Variants in IL1RAP observed in about 807,000 individuals in gnomAD.
The protein encoded by IL1RAP is interleukin 1 receptor accessory protein.
IL1RAP carries 35 observed loss-of-function variants against 60.7 expected under a neutral mutation model. That is an observed-to-expected ratio of 0.58 (90% CI 0.44 to 0.76). The LOEUF is 0.76. Among genes scored for constraint, IL1RAP ranks in the 30% least tolerant of loss-of-function variants. The pLI is 0.00. For missense variants in IL1RAP, 572 were observed against 693.9 expected (o/e 0.82, Z 1.97); for synonymous variants, 268 against 250.9 (o/e 1.07, Z -0.64).
At chr3:190,612,773 A>T (rs1355364771) in intron 5 of IL1RAP, among the ~76,000 whole-genome samples, 1 of 152,178 alleles carries the variant, frequency 6.6e-6, no homozygotes, top group East Asian at 1.9e-4. Context: ...CATAAAGTGG[A>T]AAAATCATAA....
chr3:190,609,622 T>C (rs1258539626), intron 5 of IL1RAP, among the ~76,000 whole-genome samples: 1 of 152,188 alleles, frequency 6.6e-6, no homozygotes, highest in African/African-American at 2.4e-5. Context: ...CTTTTCCACA[T>C]CCAAGGGATT....
At chr3:190,591,999 A>C (rs1728982732) in intron 3 of IL1RAP, among the ~76,000 whole-genome samples, 1 of 152,134 alleles carries the variant, frequency 6.6e-6, no homozygotes, top group South Asian at 2.1e-4. Flanking sequence ...CAGAAGAAGC[A>C]TACTCAGAAT....
At chr3:190,659,620 T>G (rs1334573539) in exon 12 of IL1RAP, 1 of 152,174 alleles carries the variant, frequency 6.6e-6, no homozygotes, top group Non-Finnish European at 1.5e-5. Context: ...AAATATTGTC[T>G]ACTTAGTTGC....
intron 1 of IL1RAP, among the ~76,000 whole-genome samples, chr3:190,537,116 G>A (rs760635536): frequency 5.3e-5 from 8 of 152,092 alleles, no homozygotes; most frequent in Admixed American, 2.0e-4. Context: ...CTCAAAGAGC[G>A]ATAATGTGAT....
At chr3:190,647,078 C>T (rs750813831) in intron 11 of IL1RAP, among the ~76,000 whole-genome samples, 1 of 152,154 alleles carries the variant, frequency 6.6e-6, no homozygotes, top group Non-Finnish European at 1.5e-5. Flanking sequence ...TGCATAATTA[C>T]TCTTGCATCT....
At chr3:190,621,095 G>A (rs973068295) in intron 6 of IL1RAP, among the ~76,000 whole-genome samples, 9 of 152,048 alleles carry the variant, frequency 5.9e-5, no homozygotes, top group African/African-American at 1.9e-4. Flanking sequence ...TGGCTTTTGG[G>A]GATTACCCCT....
At chr3:190,575,163 A>T (rs1355260634) in intron 3 of IL1RAP, among the ~76,000 whole-genome samples, 1 of 152,166 alleles carries the variant, frequency 6.6e-6, no homozygotes, top group Non-Finnish European at 1.5e-5. Context: ...TCATGATTAG[A>T]TGTGAAACCC....
chr3:190,538,887 C>T (rs549271634), intron 1 of IL1RAP, among the ~76,000 whole-genome samples: 2 of 152,214 alleles, frequency 1.3e-5, no homozygotes, highest in South Asian at 4.1e-4. Flanking sequence ...TTATTCCTAC[C>T]ACCATGTGAA....
intron 1 of IL1RAP, among the ~76,000 whole-genome samples, chr3:190,527,260 C>T (rs887113009): frequency 1.3e-5 from 2 of 152,178 alleles, no homozygotes; most frequent in Non-Finnish European, 2.9e-5. Context: ...AGGAGCTGTG[C>T]TGAATGTCTT....
At chr3:190,618,032 C>T (rs1731429555) in intron 5 of IL1RAP, among the ~76,000 whole-genome samples, 1 of 152,218 alleles carries the variant, frequency 6.6e-6, no homozygotes, top group Non-Finnish European at 1.5e-5. Flanking sequence ...AAGTGTGCTT[C>T]CTCAGTTTAC....
At chr3:190,634,721 T>TTTTC (rs1733071832) in intron 9 of IL1RAP, among the ~76,000 whole-genome samples, 2 of 140,856 alleles carry the variant, frequency 1.4e-5, no homozygotes, top group Admixed American at 1.4e-4. Context: ...TTTTTTTTGT[T>TTTTC]GTTGTTTTTT....
chr3:190,631,775 T>G (rs960721910), intron 9 of IL1RAP, among the ~76,000 whole-genome samples: 1 of 152,114 alleles, frequency 6.6e-6, no homozygotes, highest in African/African-American at 2.4e-5. Context: ...GCAGTTGTTT[T>G]ATTTATATTT....
At chr3:190,629,320 A>G (rs1358492929) in intron 8 of IL1RAP, 30 bp from the exon 9 acceptor site, 1 of 1,516,550 alleles carries the variant, frequency 6.6e-7, no homozygotes, top group Non-Finnish European at 9.0e-7. Context: ...TCACTCTCAA[A>G]TGCTTTGATT....
intron 3 of IL1RAP, among the ~76,000 whole-genome samples, chr3:190,591,270 A>T (rs1192960850): frequency 6.6e-6 from 1 of 152,222 alleles, no homozygotes; most frequent in Non-Finnish European, 1.5e-5. Context: ...TTGTTTACAC[A>T]TGGGAATATT....
At chr3:190,611,766 T>C (rs1730844942) in intron 5 of IL1RAP, among the ~76,000 whole-genome samples, 1 of 152,098 alleles carries the variant, frequency 6.6e-6, no homozygotes, top group Non-Finnish European at 1.5e-5. Context: ...TTTTGCATGG[T>C]TTTTTTGTAT....
At chr3:190,600,694 C>T (rs188522366) in intron 3 of IL1RAP, among the ~76,000 whole-genome samples, 6 of 152,256 alleles carry the variant, frequency 3.9e-5, no homozygotes, top group Admixed American at 2.0e-4. Context: ...GTCACATGGC[C>T]GCTCCTTACT....
At chr3:190,559,969 T>G (rs1725745933) in intron 2 of IL1RAP, among the ~76,000 whole-genome samples, 1 of 152,182 alleles carries the variant, frequency 6.6e-6, no homozygotes, top group African/African-American at 2.4e-5. Flanking sequence ...AACTTTCATT[T>G]GCTGATAAAT....
At chr3:190,654,282 T>C (rs1734532855), downstream of IL1RAP, among the ~76,000 whole-genome samples, 1 of 151,600 alleles carries the variant, frequency 6.6e-6, no homozygotes, top group Admixed American at 6.6e-5. Flanking sequence ...CTTAAGGTTA[T>C]TTCACATTTC....
At chr3:190,546,769 A>G (rs189597884) in intron 1 of IL1RAP, among the ~76,000 whole-genome samples, 3 of 152,320 alleles carry the variant, frequency 2.0e-5, no homozygotes, top group East Asian at 3.9e-4. Context: ...AATGAGCCCT[A>G]TGCAAATTGG....
Sources: gnomAD v4.1 joint callset for allele counts (sites outside exome capture counted in the v4.1 genomes callset) on GRCh38, gnomAD v4.1.1 for gene constraint, MANE v1.5 for transcripts, NCBI Gene and HGNC (gene_info 2026-07-23, HGNC 2026-07-21) for gene names.